Variants in PTPRN2 observed in about 807,000 individuals in gnomAD.
PTPRN2 encodes the protein receptor-type tyrosine-protein phosphatase N2.
A neutral mutation model predicts 118.8 loss-of-function variants in PTPRN2; 74 were observed. That is an observed-to-expected ratio of 0.62 (90% CI 0.52 to 0.76). The LOEUF is 0.76. PTPRN2 is among the 30% of genes least tolerant of loss of function. The probability of loss-of-function intolerance (pLI) is 0.00; values close to 1 mark genes in which losing one functional copy is unlikely to be tolerated. For synonymous variants in PTPRN2, 641 were observed against 608.0 expected (o/e 1.05, Z -0.80); for missense variants, 1,481 against 1,394.4 (o/e 1.06, Z -0.99).
chr7:158,486,683 C>T (rs1032420296), intron 2 of PTPRN2, among the ~76,000 whole-genome samples: 1 of 152,184 alleles, frequency 6.6e-6, no homozygotes, highest in Non-Finnish European at 1.5e-5. Flanking sequence ...AGGGAGCTGG[C>T]CTAAAACCCT....
At chr7:157,826,075 C>T (rs527784295) in intron 12 of PTPRN2, among the ~76,000 whole-genome samples, 14 of 152,270 alleles carry the variant, frequency 9.2e-5, no homozygotes, top group Admixed American at 6.5e-4. Context: ...GCAGCACAAC[C>T]GTGATCACCA....
intron 2 of PTPRN2, among the ~76,000 whole-genome samples, chr7:158,469,496 T>C (rs1819684561): frequency 6.6e-6 from 1 of 151,794 alleles, no homozygotes; most frequent in Admixed American, 6.6e-5. Flanking sequence ...ACCAAAAAAA[T>C]GTGTAAAGTG....
intron 11 of PTPRN2, among the ~76,000 whole-genome samples, chr7:158,046,756 T>C (rs1808909115): frequency 6.6e-6 from 1 of 152,206 alleles, no homozygotes; most frequent in Non-Finnish European, 1.5e-5. Flanking sequence ...TTGAGTTTCC[T>C]GAAGCAGATT....
At chr7:158,043,704 A>C (rs2128891434) in intron 11 of PTPRN2, among the ~76,000 whole-genome samples, 1 of 152,270 alleles carries the variant, frequency 6.6e-6, no homozygotes, top group East Asian at 1.9e-4. Flanking sequence ...ACATTTATAA[A>C]CCTACTCACC....
At chr7:158,355,641 T>C (rs1808332160) in intron 2 of PTPRN2, among the ~76,000 whole-genome samples, 1 of 152,222 alleles carries the variant, frequency 6.6e-6, no homozygotes. Context: ...AGGGATGTCC[T>C]TATGAGCCAG....
At chr7:158,487,795 C>T (rs1179748151) in intron 2 of PTPRN2, among the ~76,000 whole-genome samples, 1 of 152,138 alleles carries the variant, frequency 6.6e-6, no homozygotes. Context: ...CCCCGTCAGC[C>T]TCGCAAAGCG....
At chr7:157,580,035 C>T (rs964615415) in intron 17 of PTPRN2, among the ~76,000 whole-genome samples, 3 of 152,202 alleles carry the variant, frequency 2.0e-5, no homozygotes, top group Non-Finnish European at 4.4e-5. Flanking sequence ...GGTATGAATG[C>T]AGAATCAGTA....
chr7:158,222,446 C>T (rs951882186), intron 3 of PTPRN2, among the ~76,000 whole-genome samples: 2 of 152,158 alleles, frequency 1.3e-5, no homozygotes, highest in African/African-American at 4.8e-5. Flanking sequence ...AGCTGTAGGC[C>T]ATCATCCTAA....
At chr7:158,445,088 C>A (rs1475914237) in intron 2 of PTPRN2, among the ~76,000 whole-genome samples, 1 of 152,162 alleles carries the variant, frequency 6.6e-6, no homozygotes, top group Non-Finnish European at 1.5e-5. Context: ...GAGCTGGATG[C>A]CCTTCACCCT....
At chr7:158,321,542 C>A (rs1803017670) in intron 2 of PTPRN2, among the ~76,000 whole-genome samples, 1 of 152,212 alleles carries the variant, frequency 6.6e-6, no homozygotes, top group South Asian at 2.1e-4. Context: ...CACCGCACCG[C>A]AGTGGAGGCA....
chr7:157,573,757 G>A (rs113220944), intron 19 of PTPRN2, among the ~76,000 whole-genome samples: 49 of 152,210 alleles, frequency 3.2e-4, no homozygotes, highest in African/African-American at 1.1e-3. Context: ...CCCCACTCCC[G>A]AAACTCCTGT....
rs543792898 is a variant in PTPRN2, at chr7:157,964,275, G to A, written c.1724-65538C>T. Reference sequence around the variant, plus strand: ...GAAACACTAGGCCAGACTGGGGTCCGCCCCACACGCACAGAGGATCACTGG... The same window carrying A: ...GAAACACTAGGCCAGACTGGGGTCCACCCCACACGCACAGAGGATCACTGG... On this transcript the variant is annotated intron_variant, in intron 11 of 22. Transcript: ENST00000389418. The surrounding 1 kb of genome is among the most constrained non-coding windows in gnomAD (Gnocchi z 9.0). Among the ~76,000 whole-genome samples the A allele has an allele frequency of 7.9e-5, 12 of 152,200 alleles. No homozygotes were observed. Among genetic ancestry groups the A allele is most frequent in the South Asian group, 2.1e-4 (1 of 4,814 alleles).
intron 12 of PTPRN2, among the ~76,000 whole-genome samples, chr7:157,726,269 T>C (rs985645992): frequency 7.3e-6 from 1 of 137,842 alleles, no homozygotes; most frequent in East Asian, 2.2e-4. Context: ...GAAAACTGGA[T>C]ATCCACATGC....
intron 6 of PTPRN2, among the ~76,000 whole-genome samples, chr7:158,155,394 C>T (rs1563528475): frequency 6.6e-6 from 1 of 152,126 alleles, no homozygotes; most frequent in Non-Finnish European, 1.5e-5. Context: ...TGAAGGTACA[C>T]AGTTAGCCAC....
At chr7:158,007,796 G>A (rs2128866009) in intron 11 of PTPRN2, among the ~76,000 whole-genome samples, 1 of 149,860 alleles carries the variant, frequency 6.7e-6, no homozygotes, top group East Asian at 2.0e-4. Flanking sequence ...GTGTGTGGGT[G>A]GGTGTGCTGT....
rs1010460110 is a variant in PTPRN2 at position 158,327,301 on chromosome 7, T to G, written c.164-10369A>C. 4.0e-5 allele frequency among the ~76,000 whole-genome samples: 5 copies of G among 125,304 alleles called. 1 individual carries two copies. The South Asian group carries it at 1.1e-3, about 27-fold the overall frequency. The allele number at this position is 125,304 out of a possible 152,430, so 82.2% of individuals were successfully genotyped here. ...CACACATGCTCACACATGTACACAT[T>G]CTCACACATACACATTCTCACATGC... On this transcript the variant is annotated intron_variant, in intron 2 of 22. Coordinates refer to ENST00000389418, the MANE Select transcript of PTPRN2 (RefSeq NM_002847.5).
intron 2 of PTPRN2, among the ~76,000 whole-genome samples, chr7:158,394,275 C>T (rs1478101059): frequency 1.3e-5 from 2 of 152,100 alleles, no homozygotes; most frequent in African/African-American, 4.8e-5. Context: ...CCCCCATAGA[C>T]GCCTGGCTCC....
chr7:157,840,314 C>T (rs1164056391), intron 12 of PTPRN2, among the ~76,000 whole-genome samples: 6 of 125,620 alleles, frequency 4.8e-5, no homozygotes, highest in African/African-American at 1.6e-4. Flanking sequence ...TGTGTGGCCA[C>T]GTGTGACTGT....
In PTPRN2 at chr7:157,805,316, TGC is replaced by T. The variant is rs1554453184; in HGVS notation, c.1788+93355_1788+93356del. Among the ~76,000 whole-genome samples the T allele has an allele frequency of 1.4e-3, 207 of 147,656 alleles. 1 individual carries two copies. Among genetic ancestry groups the T allele is most frequent in the African/African-American group, 5.0e-3 (190 of 38,140 alleles). ...GTGTGTGTGTGTGTGTGTGTGTGTGTGCGTGTGCAAATACATCATCAACTGAA... is the reference window on the plus strand; with the variant it reads ...GTGTGTGTGTGTGTGTGTGTGTGTGTGTGTGCAAATACATCATCAACTGAA... On this transcript the variant is annotated intron_variant, in intron 12 of 22. Transcript: ENST00000389418.
Sources: gnomAD v4.1 joint callset for allele counts (sites outside exome capture counted in the v4.1 genomes callset) on GRCh38, gnomAD v4.1.1 for gene constraint, Gnocchi (gnomAD v3.1) non-coding constraint, MANE v1.5 for transcripts, NCBI Gene and HGNC (gene_info 2026-07-23, HGNC 2026-07-21) for gene names.